MLLT10: variants seen among roughly 807,000 people sequenced by gnomAD.
MLLT10 encodes the protein protein AF-10.
A neutral mutation model predicts 129.1 loss-of-function variants in MLLT10; 30 were observed. The observed-to-expected ratio is 0.23, with a 90% confidence interval of 0.17 to 0.32. The LOEUF (loss-of-function observed/expected upper bound fraction) is 0.32, where lower values mean the gene tolerates loss of function less well. Ranked by LOEUF, MLLT10 falls within the 10% of genes least tolerant of loss-of-function variation. MLLT10 has a pLI of 1.00. For synonymous variants in MLLT10, 490 were observed against 446.4 expected, an observed-to-expected ratio of 1.10 and a Z score of -1.23; for missense variants, 1,119 against 1,268.3, an observed-to-expected ratio of 0.88 and a Z score of 1.79.
chr10:21,584,015 G>T (rs1419988259), intron 3 of MLLT10, among the ~76,000 whole-genome samples: 1 of 146,892 alleles, frequency 6.8e-6, no homozygotes, highest in East Asian at 2.0e-4. Context: ...GACTACAGGC[G>T]CCTGCCACCA....
At chr10:21,566,555 C>T (rs753726146) in intron 3 of MLLT10, among the ~76,000 whole-genome samples, 45 of 151,334 alleles carry the variant, frequency 3.0e-4, no homozygotes, top group Non-Finnish European at 4.0e-4. Flanking sequence ...CTTGAACTCC[C>T]GGCCTTAGGT....
intron 7 of MLLT10, among the ~76,000 whole-genome samples, chr10:21,616,215 T>C (rs2045237447): frequency 6.6e-6 from 1 of 152,130 alleles, no homozygotes. Context: ...ATAAGCATAT[T>C]GAAATACTCA....
At chr10:21,600,643 A>G (rs761190137) in intron 5 of MLLT10, among the ~76,000 whole-genome samples, 2 of 152,164 alleles carry the variant, frequency 1.3e-5, no homozygotes, top group African/African-American at 4.8e-5. Flanking sequence ...ACTTTATACT[A>G]GTTACTTAGG....
At chr10:21,673,318 C>CAATTT in intron 10 of MLLT10, 32 bp from the exon 11 acceptor site, 2 of 307,342 alleles carry the variant, frequency 6.5e-6, no homozygotes, top group East Asian at 7.1e-5. Flanking sequence ...CACCCCCCAA[C>CAATTT]TTTTTTTTTT....
chr10:21,627,539 T>C (rs1243181), intron 8 of MLLT10, among the ~76,000 whole-genome samples: 83,090 of 152,034 alleles, frequency 0.55, 23,080 homozygotes, highest in Middle Eastern at 0.62. Flanking sequence ...AATATGTCCT[T>C]ATTCATTGTC....
At chr10:21,672,964 A>G (rs1303665538) in intron 10 of MLLT10, among the ~76,000 whole-genome samples, 1 of 152,186 alleles carries the variant, frequency 6.6e-6, no homozygotes, top group East Asian at 1.9e-4. Flanking sequence ...GTCTTCTTGC[A>G]TGACTGTGGA....
At chr10:21,592,665 C>G (rs550678277) in intron 4 of MLLT10, among the ~76,000 whole-genome samples, 1 of 152,090 alleles carries the variant, frequency 6.6e-6, no homozygotes, top group African/African-American at 2.4e-5. Flanking sequence ...ACCGTGTTAG[C>G]CAGGATGGTC....
At chr10:21,670,756 G>C (rs1379459857) in intron 10 of MLLT10, 52 bp downstream of exon 10, 3 of 1,530,340 alleles carry the variant, frequency 2.0e-6, no homozygotes, top group African/African-American at 2.8e-5. Context: ...GTTAATAATA[G>C]TTATGCTTTG....
chr10:21,572,619 T>A lies in MLLT10; in HGVS notation c.241-13675T>A, dbSNP rs537928916. On this transcript the variant is annotated intron_variant, in intron 3 of 22. Coordinates refer to ENST00000307729, the MANE Select transcript of MLLT10 (RefSeq NM_001195626.3). ...CATGTCTTCTGTTTTAAAATTACTT[T>A]TTTTTTTTCCTGTTTTTTTGAGACA... Among the ~76,000 whole-genome samples, 3 of 152,240 alleles carry A rather than the reference T, an allele frequency of 2.0e-5. No homozygotes were observed. In the South Asian group the frequency reaches 6.2e-4, roughly 32 times the overall value.
intron 8 of MLLT10, chr10:21,626,059 C>T: frequency 1.3e-6 from 2 of 1,500,486 alleles, no homozygotes; most frequent in Non-Finnish European, 1.9e-6. Flanking sequence ...CAAGCAAGGC[C>T]TTGATCTTCA....
intron 13 of MLLT10, among the ~76,000 whole-genome samples, chr10:21,698,800 C>A (rs1014039271): frequency 4.6e-5 from 7 of 152,070 alleles, no homozygotes; most frequent in Non-Finnish European, 8.8e-5. Context: ...ATTGTGGTTT[C>A]GATTTACATT....
intron 13 of MLLT10, among the ~76,000 whole-genome samples, chr10:21,685,589 A>T (rs1589635239): frequency 6.6e-6 from 1 of 152,092 alleles, no homozygotes; most frequent in Non-Finnish European, 1.5e-5. Flanking sequence ...CAAGTGGTCC[A>T]CCTCGGCCTC....
intron 5 of MLLT10, among the ~76,000 whole-genome samples, chr10:21,603,316 C>G (rs2043745978): frequency 6.6e-6 from 1 of 151,598 alleles, no homozygotes; most frequent in Non-Finnish European, 1.5e-5. Flanking sequence ...ATTTGCCCAC[C>G]TTAGCCTCTG....
chr10:21,681,098 T>A (rs79627318), intron 11 of MLLT10, among the ~76,000 whole-genome samples: 2,003 of 152,322 alleles, frequency 0.013, 40 homozygotes, highest in African/African-American at 0.045. Context: ...CTCTTTGTAA[T>A]AACACAGATA....
chr10:21,556,788 G>T, intron 3 of MLLT10: 2 of 1,590,406 alleles, frequency 1.3e-6, no homozygotes, highest in Non-Finnish European at 1.7e-6. Flanking sequence ...CATTGCTTTT[G>T]GGCTTGTCTT....
chr10:21,650,189 A>G (rs2048885003), intron 8 of MLLT10, among the ~76,000 whole-genome samples: 1 of 152,070 alleles, frequency 6.6e-6, no homozygotes, highest in Non-Finnish European at 1.5e-5. Flanking sequence ...AATAAAAAAA[A>G]TACATATAAA....
intron 8 of MLLT10, among the ~76,000 whole-genome samples, chr10:21,646,918 T>C (rs2048542800): frequency 6.6e-6 from 1 of 150,886 alleles, no homozygotes; most frequent in African/African-American, 2.4e-5. Flanking sequence ...TGCAGTGGCG[T>C]GATCTGGGCT....
At chr10:21,740,571 A>AGT (rs1441048444) in intron 22 of MLLT10, among the ~76,000 whole-genome samples, 1 of 152,178 alleles carries the variant, frequency 6.6e-6, no homozygotes. Flanking sequence ...TATATCTTGG[A>AGT]AATATTTTTA....
intron 13 of MLLT10, among the ~76,000 whole-genome samples, chr10:21,689,324 T>TA (rs2053591848): frequency 6.6e-6 from 1 of 151,868 alleles, no homozygotes; most frequent in Non-Finnish European, 1.5e-5. Context: ...GGGATGTACT[T>TA]ACAACTTCTT....
Sources: allele counts gnomAD v4.1 joint callset (sites outside exome capture counted in the v4.1 genomes callset), GRCh38; gene constraint gnomAD v4.1.1; transcripts MANE v1.5; gene names NCBI Gene and HGNC (gene_info 2026-07-23, HGNC 2026-07-21).